The following LATS1 variants were observed in gnomAD, a reference collection of about 807,000 sequenced individuals.
The protein encoded by LATS1 is serine/threonine-protein kinase LATS1.
Under a neutral mutation model 106.6 loss-of-function variants are expected in LATS1, and 25 were observed. That is an observed-to-expected ratio of 0.23 (90% confidence interval 0.17 to 0.33). The LOEUF (loss-of-function observed/expected upper bound fraction) is 0.33, where lower values mean the gene tolerates loss of function less well. LATS1 is among the 10% of genes least tolerant of loss of function. The pLI, the probability that LATS1 is intolerant of heterozygous loss-of-function variation, is 1.00. For synonymous variants in LATS1, 465 were observed against 455.6 expected, an observed-to-expected ratio of 1.02 and a Z score of -0.26; for missense variants, 1,040 against 1,382.6, an observed-to-expected ratio of 0.75 and a Z score of 3.93.
intron 7 of LATS1, among the ~76,000 whole-genome samples, chr6:149,662,966 CAAAAAAAAAA>C (rs61479102): frequency 1.0e-5 from 1 of 96,254 alleles, no homozygotes; most frequent in Admixed American, 9.9e-5. Flanking sequence ...ACACTGTCTC[CAAAAAAAAAA>C]AAAAAAAAAA....
rs1438307191 is a variant in LATS1 at position 149,673,593 on chromosome 6, ACCT to A, written c.2883+2664_2883+2666del. On this transcript the variant is annotated intron_variant, in intron 7 of 7. Transcript: ENST00000543571. ...ATAATTTCAGACATACCTGAGACAA[ACCT>A]GAGAGAATGCCTTATCAGCAGACCT... Among the ~76,000 whole-genome samples, 67 of 152,090 alleles carry A rather than the reference ACCT, an allele frequency of 4.4e-4. 2 individuals carry two copies. The highest frequency in any genetic ancestry group is 1.6e-3 in the African/African-American group (66 of 41,388).
chr6:149,667,904 G>A (rs1295848375), intron 7 of LATS1, among the ~76,000 whole-genome samples: 2 of 152,192 alleles, frequency 1.3e-5, no homozygotes, highest in Non-Finnish European at 2.9e-5. Flanking sequence ...CTAAAACCCA[G>A]AATTTTGTAT....
intron 3 of LATS1, 28 bp from the exon 4 acceptor site, chr6:149,684,620 A>G: frequency 6.8e-7 from 1 of 1,473,508 alleles, no homozygotes; most frequent in Non-Finnish European, 9.1e-7. Flanking sequence ...ATAAAGAGAA[A>G]AAAGAATCAT....
intron 7 of LATS1, among the ~76,000 whole-genome samples, chr6:149,671,344 G>C (rs1343517988): frequency 1.3e-5 from 2 of 151,898 alleles, no homozygotes; most frequent in East Asian, 3.8e-4. Flanking sequence ...ATGTTGACTA[G>C]GCTGGTCTCA....
At chr6:149,671,896 C>CTT (rs34908424) in intron 7 of LATS1, among the ~76,000 whole-genome samples, 1 of 148,296 alleles carries the variant, frequency 6.7e-6, no homozygotes. Context: ...TGATTTCTTT[C>CTT]TTTTTTTTTT....
At position 149,660,309 on chromosome 6, in the gene LATS1, G is replaced by T. The variant is rs1780839681; in HGVS notation, c.*1420C>A. 4.3e-6 allele frequency: 1 copy of T among 233,096 alleles called. No individual in the cohort carries two copies. The highest frequency in any genetic ancestry group is 5.6e-5 in the Admixed American group (1 of 17,780). The allele number at this position is 233,096 out of a possible 1,614,324, so 14.4% of individuals were successfully genotyped here. ...AAAGGTGGGAAGTGTGGGCTAATAA[G>T]TGTTCTTTGCCCTAACTCTCCAATT... On this transcript the variant is annotated 3_prime_UTR_variant, in exon 8 of 8. Coordinates refer to ENST00000543571, the MANE Select transcript of LATS1 (RefSeq NM_004690.4).
intron 1 of LATS1, among the ~76,000 whole-genome samples, chr6:149,703,990 G>A (rs1455601892): frequency 1.3e-5 from 2 of 152,180 alleles, no homozygotes; most frequent in Non-Finnish European, 2.9e-5. Context: ...ATACATCTAA[G>A]TCAAAAAGAA....
intron 5 of LATS1, among the ~76,000 whole-genome samples, chr6:149,678,182 A>C (rs1256319525): frequency 2.0e-5 from 3 of 147,896 alleles, no homozygotes; most frequent in Non-Finnish European, 4.5e-5. Context: ...AAAAAAAAAA[A>C]AAAAAAAAAA....
rs752385691 is a variant in LATS1 at position 149,680,495 on chromosome 6, T to TAA, written c.2011-39_2011-38insTT. ...ACTAGATGTTAAATAAGAATTATCT[T>TAA]CTTCAATATTGAATATTAAGAAATA... On this transcript the variant is annotated intron_variant, in intron 4 of 7. Coordinates refer to ENST00000543571, the MANE Select transcript of LATS1 (RefSeq NM_004690.4). The TAA allele has an allele frequency of 5.1e-6, 7 of 1,375,210 alleles. No homozygotes were observed. The Middle Eastern group carries it at 7.5e-4, about 147-fold the overall frequency. The allele number at this position is 1,375,210 out of a possible 1,614,324, so 85.2% of individuals were successfully genotyped here. A position where few individuals can be genotyped will look rare whatever the true frequency, so the allele number is the denominator to read the frequency against.
intron 2 of LATS1, among the ~76,000 whole-genome samples, chr6:149,699,347 A>C (rs1180811306): frequency 6.6e-6 from 1 of 152,160 alleles, no homozygotes; most frequent in East Asian, 1.9e-4. Context: ...GCCACCTCAC[A>C]GTCTGGGAAG....
At chr6:149,663,243 G>A (rs1329328456) in intron 7 of LATS1, among the ~76,000 whole-genome samples, 1 of 152,176 alleles carries the variant, frequency 6.6e-6, no homozygotes, top group Non-Finnish European at 1.5e-5. Context: ...AGCACTTTGG[G>A]AGGCCGAGGT....
In LATS1 at chr6:149,659,674, CAA is replaced by C. The variant is rs1780819704; in HGVS notation, c.*2053_*2054del. 2 of 228,180 alleles carry C rather than the reference CAA, an allele frequency of 8.8e-6. No homozygotes were observed. Among genetic ancestry groups the C allele is most frequent in the Non-Finnish European group, 1.7e-5 (2 of 115,004 alleles). 14.1% of individuals were successfully genotyped at this position (228,180 alleles called of 1,614,324 possible). ...TTAAATAAATCAGACTGAAAAAGCC[CAA>C]AGAGTAAGAGGAATACCTTATAAAT... On this transcript the variant is annotated 3_prime_UTR_variant, in exon 8 of 8. Coordinates refer to ENST00000543571, the MANE Select transcript of LATS1 (RefSeq NM_004690.4).
intron 7 of LATS1, among the ~76,000 whole-genome samples, chr6:149,673,762 C>T (rs190373665): frequency 6.6e-6 from 1 of 151,482 alleles, no homozygotes; most frequent in African/African-American, 2.4e-5. Flanking sequence ...CAACCTCTGC[C>T]TCCCAGGTTC....
Position 149,661,144 on chromosome 6 carries a change from C to T in LATS1, c.*585G>A, listed in dbSNP as rs936187737. On this transcript the variant is annotated 3_prime_UTR_variant, in exon 8 of 8. Coordinates refer to ENST00000543571, the MANE Select transcript of LATS1 (RefSeq NM_004690.4). ...GGGGAAGATAAATGCATTATTTTTC[C>T]TTCTGACAAACATATTAATATTTTT... 7 of 213,854 alleles carry T rather than the reference C, an allele frequency of 3.3e-5. No individual in the cohort carries two copies. Among genetic ancestry groups the T allele is most frequent in the Admixed American group, 5.9e-5 (1 of 17,048 alleles). The allele number at this position is 213,854 out of a possible 1,614,324, so 13.2% of individuals were successfully genotyped here.
At chr6:149,694,753 G>GA (rs1185068825) in intron 3 of LATS1, among the ~76,000 whole-genome samples, 1 of 151,894 alleles carries the variant, frequency 6.6e-6, no homozygotes, top group Non-Finnish European at 1.5e-5. Flanking sequence ...CCCATAATAT[G>GA]AAAAAAATAT....
Position 149,676,726 on chromosome 6 carries a change from G to A in LATS1, c.2605C>T (p.Arg869Trp), listed in dbSNP as rs142843346. 22 of 1,611,736 alleles carry A rather than the reference G, an allele frequency of 1.4e-5. No individual in the cohort carries two copies. Among genetic ancestry groups the A allele is most frequent in the South Asian group, 3.3e-5 (3 of 90,874 alleles). ...SKYYQSGDHP[R>W]QDSMDFSNEW... is the part of the protein sequence containing the mutation. ...TTACTGAAATCCATGCTATCTTGCC[G>A]TGGATGGTCACCTGCACAACAAAAG... Residue 869 changes from arginine to tryptophan, a missense_variant, in exon 6 of 8, where the codon CGG becomes TGG. Arg to Trp is a moderately radical substitution (Grantham distance 101). Around this residue, in one of 7 missense-constraint regions of LATS1, gnomAD observed 63 missense variants for 64.3 expected, o/e 0.98. Transcript: ENST00000543571.
chr6:149,679,736 C>G, intron 5 of LATS1, 139 bp downstream of exon 5: 1 of 615,746 alleles, frequency 1.6e-6, no homozygotes, highest in Non-Finnish European at 2.8e-6. Flanking sequence ...AATGGAGTCA[C>G]CCAAGTTTAT....
intron 3 of LATS1, among the ~76,000 whole-genome samples, chr6:149,691,206 G>A (rs1022946251): frequency 6.6e-6 from 1 of 152,140 alleles, no homozygotes; most frequent in African/African-American, 2.4e-5. Context: ...AGTATGACCT[G>A]TATCCCTGTA....
Position 149,683,766 on chromosome 6 carries a change from G to A in LATS1, c.1323C>T (p.Ala441=). The A allele has an allele frequency of 1.2e-6, 2 of 1,613,698 alleles. No individual in the cohort carries two copies. Among genetic ancestry groups the A allele is most frequent in the Non-Finnish European group, 1.7e-6 (2 of 1,180,004 alleles). Residue 441 remains alanine (A), a synonymous_variant, in exon 4 of 8, where the codon GCC becomes GCT. Coordinates refer to ENST00000543571, the MANE Select transcript of LATS1 (RefSeq NM_004690.4). The part of the protein sequence containing the change: ...TNWPQSSSAP[A]QSSPSSGHEI... ...CATGCCCACTGCTCGGGGATGACTG[G>A]GCTGGAGCAGAAGATGACTGAGGCC...
Sources: gnomAD v4.1 joint callset for allele counts (sites outside exome capture counted in the v4.1 genomes callset) on GRCh38, gnomAD v4.1.1 for gene constraint, gnomAD v4.1.1 regional missense constraint, MANE v1.5 for transcripts, NCBI Gene and HGNC (gene_info 2026-07-23, HGNC 2026-07-21) for gene names.